EXD3: variants seen among roughly 807,000 people sequenced by gnomAD.
EXD3 encodes the protein exonuclease 3'-5' domain containing 3.
A neutral mutation model predicts 98.0 loss-of-function variants in EXD3; 92 were observed. That is an observed-to-expected ratio of 0.94 (90% confidence interval 0.79 to 1.12). The LOEUF is 1.12. EXD3 is among the 50% of genes most tolerant of loss of function. EXD3 has a pLI of 0.00. For missense variants in EXD3, 1,222 were observed against 1,191.6 expected (o/e 1.03, Z -0.38); for synonymous variants, 569 against 526.0 (o/e 1.08, Z -1.12).
chr9:137,328,487 A>ATATACTCCCATATGAT (rs1832623250), intron 17 of EXD3, among the ~76,000 whole-genome samples: 1 of 4,446 alleles, frequency 2.2e-4, no homozygotes, highest in African/African-American at 4.0e-4. Context: ...TAAAAACAAA[A>ATATACTCCCATATGAT]GTAAAAACAA....
rs544079525 is a variant in EXD3, at chr9:137,330,442, A to G, written c.1999-6299T>C. Among the ~76,000 whole-genome samples, 64 of 142,174 alleles carry G rather than the reference A, an allele frequency of 4.5e-4. 1 individual carries two copies. Among genetic ancestry groups the G allele is most frequent in the African/African-American group, 1.7e-3 (63 of 36,976 alleles). The allele number at this position is 142,174 out of a possible 152,430, so 93.3% of individuals were successfully genotyped here. Reference sequence around the variant, plus strand: ...ACACAGGAGCTACACAGGACTACACAGGACTACACAGGAGCTACACAGGAC... The same window carrying G: ...ACACAGGAGCTACACAGGACTACACGGGACTACACAGGAGCTACACAGGAC... On this transcript the variant is annotated intron_variant, in intron 17 of 21. Coordinates refer to ENST00000340951, the MANE Select transcript of EXD3 (RefSeq NM_017820.5).
chr9:137,354,839 C>T lies in EXD3; in HGVS notation c.758-66G>A, dbSNP rs923716627. 5.1e-5 allele frequency: 77 copies of T among 1,507,974 alleles called. 2 individuals are homozygous for T. Among genetic ancestry groups the T allele is most frequent in the Admixed American group, 1.3e-4 (7 of 52,322 alleles). 93.4% of individuals were successfully genotyped at this position (1,507,974 alleles called of 1,614,324 possible). On this transcript the variant is annotated intron_variant, in intron 8 of 21. Coordinates refer to ENST00000340951, the MANE Select transcript of EXD3 (RefSeq NM_017820.5). The stretch of plus-strand genomic sequence containing the variant: ...GCCTCACCACGGCCTCCTTCTGGGG[C>T]GGGCTGGAGACGGGCAGAGGGGCTG...
rs1171496129 is a variant in EXD3, at chr9:137,348,212, C to G, written c.1857G>C (p.Glu619Asp). ...RQVPVAVAVSEGAAPQIPARA... is the reference protein window; with the variant it reads ...RQVPVAVAVSDGAAPQIPARA... Reference sequence around the variant, plus strand: ...TGGCCGGAATCTGAGGGGCAGCGCCCTCAGACACAGCCACAGCCACAGGGA... The same window carrying G: ...TGGCCGGAATCTGAGGGGCAGCGCCGTCAGACACAGCCACAGCCACAGGGA... Residue 619 changes from glutamate to aspartate, a missense_variant, in exon 17 of 22, where the codon GAG (glutamate) becomes GAC (aspartate). By Grantham distance (45) the Glu-to-Asp change is conservative. Coordinates refer to ENST00000340951, the MANE Select transcript of EXD3 (RefSeq NM_017820.5). 1.9e-6 allele frequency: 3 copies of G among 1,611,660 alleles called. No homozygotes were observed. Among genetic ancestry groups the G allele is most frequent in the Non-Finnish European group, 2.5e-6 (3 of 1,179,594 alleles).
chr9:137,419,935 G>T lies in EXD3; in HGVS notation c.-48+3179C>A, dbSNP rs574663247. On this transcript the variant is annotated intron_variant, in intron 1 of 21. Coordinates refer to ENST00000340951, the MANE Select transcript of EXD3 (RefSeq NM_017820.5). ...AGCACTTTGGGAGGCCAAGGCGGGCGGATCACGAGGTCAGGAGATCGAGAC... is the reference window on the plus strand; with the variant it reads ...AGCACTTTGGGAGGCCAAGGCGGGCTGATCACGAGGTCAGGAGATCGAGAC... 3.7e-4 allele frequency among the ~76,000 whole-genome samples: 56 copies of T among 152,224 alleles called. No individual in the cohort carries two copies. In the East Asian group the frequency reaches 6.4e-3, roughly 17 times the overall value.
chr9:137,338,812 G>A (rs1457478770), intron 17 of EXD3, among the ~76,000 whole-genome samples: 2 of 149,670 alleles, frequency 1.3e-5, no homozygotes, highest in Non-Finnish European at 3.0e-5. Context: ...AGAATGGCGT[G>A]AACCCGGGAG....
chr9:137,346,807 CCA>C (rs1003694766), intron 17 of EXD3, among the ~76,000 whole-genome samples: 57 of 152,242 alleles, frequency 3.7e-4, no homozygotes, highest in African/African-American at 1.3e-3. Context: ...GTACCACAAT[CCA>C]CATTCTTTTT....
At chr9:137,377,673 A>G (rs1467752107) in intron 3 of EXD3, among the ~76,000 whole-genome samples, 2 of 151,612 alleles carry the variant, frequency 1.3e-5, no homozygotes, top group African/African-American at 4.8e-5. Flanking sequence ...GTGAGCTGAG[A>G]TTGCGCCACT....
At chr9:137,410,362 G>A (rs1837934541) in intron 1 of EXD3, among the ~76,000 whole-genome samples, 1 of 151,868 alleles carries the variant, frequency 6.6e-6, no homozygotes. Context: ...GTGGGTGCCT[G>A]TAATCTCAGC....
At chr9:137,307,492 A>C in intron 21 of EXD3, 116 bp downstream of exon 21, 1 of 1,377,378 alleles carries the variant, frequency 7.3e-7, no homozygotes. Context: ...GGCCTACAGG[A>C]GCCCCACAGA....
At chr9:137,326,676 G>T (rs1832420027) in intron 17 of EXD3, among the ~76,000 whole-genome samples, 2 of 152,132 alleles carry the variant, frequency 1.3e-5, no homozygotes, top group South Asian at 2.1e-4. Flanking sequence ...ATCCATTAGG[G>T]TGGCCTTTAT....
At chr9:137,408,897 G>A (rs1388139183) in intron 1 of EXD3, among the ~76,000 whole-genome samples, 1 of 152,202 alleles carries the variant, frequency 6.6e-6, no homozygotes, top group Non-Finnish European at 1.5e-5. Context: ...AGTCTGCAGG[G>A]CTGTTTTTAT....
chr9:137,316,454 G>A (rs1176627184), intron 19 of EXD3, among the ~76,000 whole-genome samples: 1 of 152,056 alleles, frequency 6.6e-6, no homozygotes, highest in Non-Finnish European at 1.5e-5. Flanking sequence ...TAGCCCGCGC[G>A]CCCCGGGCGT....
At chr9:137,309,783 C>T in intron 19 of EXD3, 83 bp from the exon 20 acceptor site, 1 of 1,058,288 alleles carries the variant, frequency 9.4e-7, no homozygotes. Context: ...CTCCTCGAAG[C>T]TCTGGGTCTG....
intron 5 of EXD3, among the ~76,000 whole-genome samples, chr9:137,370,251 C>A (rs558518573): frequency 1.3e-5 from 2 of 152,344 alleles, no homozygotes; most frequent in Admixed American, 6.5e-5. Context: ...AGCGTCTGGT[C>A]ATTTCTGTCT....
chr9:137,401,010 G>A (rs1837457365), intron 1 of EXD3, among the ~76,000 whole-genome samples: 2 of 152,164 alleles, frequency 1.3e-5, no homozygotes, highest in Non-Finnish European at 2.9e-5. Flanking sequence ...GTGGTGTTGA[G>A]TGTCTGCTGC....
chr9:137,419,983 C>T (rs1352648298), intron 1 of EXD3, among the ~76,000 whole-genome samples: 5 of 151,948 alleles, frequency 3.3e-5, no homozygotes, highest in African/African-American at 4.8e-5. Context: ...TACGGTGAAA[C>T]CCCATCTCTA....
At chr9:137,328,103 C>CAAA in intron 17 of EXD3, among the ~76,000 whole-genome samples, 1 of 145,004 alleles carries the variant, frequency 6.9e-6, no homozygotes, top group East Asian at 2.2e-4. Flanking sequence ...GTAAAAACAA[C>CAAA]TAATATACAC....
At chr9:137,342,504 GAA>G in intron 17 of EXD3, among the ~76,000 whole-genome samples, 1 of 152,188 alleles carries the variant, frequency 6.6e-6, no homozygotes, top group Non-Finnish European at 1.5e-5. Flanking sequence ...GTCTATCTGA[GAA>G]GTTCATTAGG....
chr9:137,318,547 T>G (rs1831842919), intron 19 of EXD3, among the ~76,000 whole-genome samples: 1 of 151,004 alleles, frequency 6.6e-6, no homozygotes, highest in African/African-American at 2.4e-5. Context: ...ATGGTAAGGG[T>G]TTTTTTTTAA....
Sources: allele counts gnomAD v4.1 joint callset (sites outside exome capture counted in the v4.1 genomes callset), GRCh38; gene constraint gnomAD v4.1.1; transcripts MANE v1.5; gene names NCBI Gene and HGNC (gene_info 2026-07-23, HGNC 2026-07-21).